The following ARHGAP31 variants were observed in gnomAD, a reference collection of about 807,000 sequenced individuals.
ARHGAP31 encodes rho GTPase-activating protein 31.
ARHGAP31 carries 34 observed loss-of-function variants against 113.9 expected under a neutral mutation model. The ratio of observed to expected loss-of-function variants is 0.30; its 90% CI spans 0.23 to 0.40. ARHGAP31 has a LOEUF of 0.40. Among genes scored for constraint, ARHGAP31 ranks in the 10% least tolerant of loss-of-function variants. The pLI is 1.00. For missense variants in ARHGAP31, 1,548 were observed against 1,767.1 expected, an observed-to-expected ratio of 0.88 and a Z score of 2.22; for synonymous variants, 650 against 684.8, an observed-to-expected ratio of 0.95 and a Z score of 0.79.
At chr3:119,347,025 TTGCTGG>T (rs2080065285) in intron 1 of ARHGAP31, among the ~76,000 whole-genome samples, 1 of 152,186 alleles carries the variant, frequency 6.6e-6, no homozygotes, top group Non-Finnish European at 1.5e-5. Flanking sequence ...CGGGATGGTG[TTGCTGG>T]GAAGGAGAAA....
At chr3:119,324,333 A>G (rs1323903028) in intron 1 of ARHGAP31, among the ~76,000 whole-genome samples, 2 of 152,190 alleles carry the variant, frequency 1.3e-5, no homozygotes, top group African/African-American at 4.8e-5. Context: ...TATTATAACA[A>G]TTTTAAGGTT....
intron 1 of ARHGAP31, among the ~76,000 whole-genome samples, chr3:119,308,561 G>A (rs140946426): frequency 1.1e-4 from 17 of 152,322 alleles, no homozygotes; most frequent in African/African-American, 3.8e-4. Flanking sequence ...AGCTGGGAAA[G>A]CTTCTCTGCT....
rs201291375 is a variant in ARHGAP31, at chr3:119,402,001, C to G, written c.1249C>G (p.Arg417Gly). The change falls in exon 10 of 12, where the codon CGC becomes GGC. Residue 417 changes from arginine to glycine, a missense_variant. By Grantham distance (125) the Arg-to-Gly change is moderately radical. Coordinates refer to ENST00000264245, the MANE Select transcript of ARHGAP31 (RefSeq NM_020754.4). ...GGGTGGCTTTGATGTGAGCAGTGAT[C>G]GCAGCCATCTCCAGGGCGCTCAGGC... ...AEGGFDVSSD[R>G]SHLQGAQARP... 110 of 1,614,138 alleles carry G rather than the reference C, an allele frequency of 6.8e-5. No homozygotes were observed. Among genetic ancestry groups the G allele is most frequent in the Middle Eastern group, 1.6e-4 (1 of 6,062 alleles).
chr3:119,337,056 A>G (rs1577000683), intron 1 of ARHGAP31, among the ~76,000 whole-genome samples: 1 of 152,196 alleles, frequency 6.6e-6, no homozygotes, highest in East Asian at 1.9e-4. Context: ...TCATCAGTTG[A>G]TGGACATTTG....
chr3:119,388,307 T>TAC (rs59845208), intron 6 of ARHGAP31, among the ~76,000 whole-genome samples: 33 of 132,782 alleles, frequency 2.5e-4, no homozygotes, highest in South Asian at 1.2e-3. Flanking sequence ...ATGTATAATT[T>TAC]TTATATATAT....
intron 1 of ARHGAP31, among the ~76,000 whole-genome samples, chr3:119,322,399 G>A (rs867251743): frequency 3.3e-5 from 5 of 152,180 alleles, no homozygotes; most frequent in Non-Finnish European, 7.3e-5. Flanking sequence ...TTTTAGAGCC[G>A]GGATTTTGTT....
intron 1 of ARHGAP31, among the ~76,000 whole-genome samples, chr3:119,316,035 C>T (rs1033616042): frequency 6.6e-6 from 1 of 152,158 alleles, no homozygotes; most frequent in Non-Finnish European, 1.5e-5. Flanking sequence ...GCTGGTAACA[C>T]CAAATCTGTG....
At chr3:119,367,280 G>A (rs942642496) in intron 2 of ARHGAP31, among the ~76,000 whole-genome samples, 11 of 152,122 alleles carry the variant, frequency 7.2e-5, no homozygotes, top group Non-Finnish European at 1.5e-4. Flanking sequence ...TCACCAGTTG[G>A]ATGACTAAGT....
chr3:119,295,779 G>A (rs1282905015), intron 1 of ARHGAP31, among the ~76,000 whole-genome samples: 1 of 149,292 alleles, frequency 6.7e-6, no homozygotes, highest in Non-Finnish European at 1.5e-5. Context: ...GGGGATGGGG[G>A]AATCCAGCGG....
chr3:119,378,016 C>T lies in ARHGAP31; in HGVS notation c.349-2888C>T, dbSNP rs142795564. Among the ~76,000 whole-genome samples, 101 of 152,168 alleles carry T rather than the reference C, an allele frequency of 6.6e-4. No homozygotes were observed. The East Asian group carries it at 0.019, about 29-fold the overall frequency. On this transcript the variant is annotated intron_variant, in intron 3 of 11. Transcript: ENST00000264245. The stretch of plus-strand genomic sequence containing the variant: ...ACAGAAACCCAGAGTTAGGGTCCTA[C>T]CACAGAGGACAAGAGCCCAGCCTCT...
Position 119,414,979 on chromosome 3 carries a change from A to G in ARHGAP31, c.3050A>G (p.Glu1017Gly). ...GAGTTCTCTGGCCTGAAAGGGGCAG[A>G]GGCTCCTCCCAACCAGAAGGGACCA... ...FREFSGLKGA[E>G]APPNQKGPSG... The change falls in exon 12 of 12, where the codon GAG becomes GGG. Residue 1017 changes from glutamate (E) to glycine (G), a missense_variant. Physicochemically the swap from Glu to Gly is moderately conservative, Grantham distance 98 (BLOSUM62 -2). Coordinates refer to ENST00000264245, the MANE Select transcript of ARHGAP31 (RefSeq NM_020754.4). 6.2e-7 allele frequency: 1 copy of G among 1,614,158 alleles called. No homozygotes were observed. Among genetic ancestry groups the G allele is most frequent in the Non-Finnish European group, 8.5e-7 (1 of 1,180,016 alleles).
chr3:119,392,311 G>A (rs1040606905), intron 7 of ARHGAP31, among the ~76,000 whole-genome samples: 8 of 152,200 alleles, frequency 5.3e-5, no homozygotes, highest in Non-Finnish European at 1.0e-4. Flanking sequence ...AGCCGGGTGT[G>A]GTGGCATGTG....
intron 3 of ARHGAP31, among the ~76,000 whole-genome samples, chr3:119,372,843 T>C (rs2080313700): frequency 6.6e-6 from 1 of 152,100 alleles, no homozygotes; most frequent in African/African-American, 2.4e-5. Context: ...GTACAGCTAG[T>C]AGGTGGAGGT....
chr3:119,414,647 G>A lies in ARHGAP31; in HGVS notation c.2718G>A (p.Glu906=). 6.2e-7 allele frequency: 1 copy of A among 1,614,224 alleles called. No homozygotes were observed. The highest frequency in any genetic ancestry group is 1.1e-5 in the South Asian group (1 of 91,090). Residue 906 remains glutamate (E), a synonymous_variant, in exon 12 of 12, where the codon GAG becomes GAA. Transcript: ENST00000264245. Reference sequence around the variant, plus strand: ...CCCAGCATGGCCTGGAGATGGTGGAGCCCTGGGAGGAACCCCAGTGGGTGA... The same window carrying A: ...CCCAGCATGGCCTGGAGATGGTGGAACCCTGGGAGGAACCCCAGTGGGTGA... ...DIAQHGLEMV[E]PWEEPQWVTS...
In ARHGAP31 at chr3:119,414,957, T is replaced by C. The variant is rs2080759505; in HGVS notation, c.3028T>C (p.Phe1010Leu). Residue 1010 changes from phenylalanine (F) to leucine (L), a missense_variant, in exon 12 of 12, where the codon TTC becomes CTC. Transcript: ENST00000264245. ...DEKALRSFREFSGLKGAEAPP... is the reference protein window; with the variant it reads ...DEKALRSFRELSGLKGAEAPP... ...GAAAGCCCTGAGGTCCTTCAGAGAG[T>C]TCTCTGGCCTGAAAGGGGCAGAGGC... The C allele has an allele frequency of 6.2e-7, 1 of 1,614,002 alleles. No homozygotes were observed.
chr3:119,368,398 C>T lies in ARHGAP31; in HGVS notation c.230C>T (p.Pro77Leu), dbSNP rs1207087932. The T allele has an allele frequency of 2.5e-6, 4 of 1,614,102 alleles. No individual in the cohort carries two copies. The highest frequency in any genetic ancestry group is 3.4e-6 in the Non-Finnish European group (4 of 1,179,994). The change falls in exon 3 of 12, where the codon CCA becomes CTA. Residue 77 changes from proline to leucine, a missense_variant. Coordinates refer to ENST00000264245, the MANE Select transcript of ARHGAP31 (RefSeq NM_020754.4). ...CAAGAGTTTGGCTCAGATCAATGTC[C>T]AGATCTGACAAGGGAAGTGTACCTC... is the stretch of plus-strand genomic sequence containing the variant. The part of the protein sequence containing the change: ...LRQEFGSDQC[P>L]DLTREVYLQD...
chr3:119,358,294 C>T (rs1369283138), intron 1 of ARHGAP31, among the ~76,000 whole-genome samples: 1 of 152,152 alleles, frequency 6.6e-6, no homozygotes, highest in Non-Finnish European at 1.5e-5. Context: ...GCAAACCAAA[C>T]TGCAATGATA....
At chr3:119,329,869 T>A in intron 1 of ARHGAP31, 1 of 985,454 alleles carries the variant, frequency 1.0e-6, no homozygotes, top group Non-Finnish European at 1.2e-6. Flanking sequence ...CCAAGCCTCA[T>A]TGTGTGAGTC....
intron 1 of ARHGAP31, among the ~76,000 whole-genome samples, chr3:119,362,817 G>A (rs2080221254): frequency 6.6e-6 from 1 of 150,958 alleles, no homozygotes; most frequent in Non-Finnish European, 1.5e-5. Context: ...GTTTTGACCT[G>A]TACGAGGTTG....
Sources: gnomAD v4.1 joint callset for allele counts (sites outside exome capture counted in the v4.1 genomes callset) on GRCh38, gnomAD v4.1.1 for gene constraint, MANE v1.5 for transcripts, NCBI Gene and HGNC (gene_info 2026-07-23, HGNC 2026-07-21) for gene names.